The following PDE1C variants were observed in gnomAD, a reference collection of about 807,000 sequenced individuals.
PDE1C encodes dual specificity calcium/calmodulin-dependent 3',5'-cyclic nucleotide phosphodiesterase 1C.
Under a neutral mutation model 93.1 loss-of-function variants are expected in PDE1C, and 62 were observed. The observed-to-expected ratio is 0.67, with a 90% CI of 0.54 to 0.82. PDE1C has a LOEUF of 0.82. Among genes scored for constraint, PDE1C ranks in the 40% least tolerant of loss-of-function variants. The pLI is 0.00. For missense variants in PDE1C, 742 were observed against 884.6 expected (o/e 0.84, Z 2.04); for synonymous variants, 325 against 310.1 (o/e 1.05, Z -0.50).
chr7:31,970,161 A>G (rs1369164586), intron 2 of PDE1C, among the ~76,000 whole-genome samples: 1 of 152,172 alleles, frequency 6.6e-6, no homozygotes, highest in Non-Finnish European at 1.5e-5. Context: ...AATTTTTTTA[A>G]AAAAGAAAAA....
At position 32,186,556 on chromosome 7, in the gene PDE1C, G is replaced by A. The variant is rs185276922; in HGVS notation, c.137-16600C>T. Among the ~76,000 whole-genome samples the A allele has an allele frequency of 7.0e-3, 1,066 of 152,072 alleles. 6 individuals are homozygous for A. Among genetic ancestry groups the A allele is most frequent in the African/African-American group, 0.025 (1,030 of 41,488 alleles). ...CATATTCCCAGTAGTTGTTTTTAGT[G>A]GTGGTGTCGCTTAAACTTGTCTTCT... On this transcript the variant is annotated intron_variant, in intron 2 of 18. Transcript: ENST00000396193.
intron 2 of PDE1C, among the ~76,000 whole-genome samples, chr7:31,944,005 A>G (rs1264794483): frequency 1.3e-5 from 2 of 152,192 alleles, no homozygotes; most frequent in Middle Eastern, 3.2e-3. Flanking sequence ...GTCTAACTGT[A>G]GGCAAGCAGA....
At chr7:31,677,820 G>A in the PDE1C span, among the ~76,000 whole-genome samples, 1 of 152,120 alleles carries the variant, frequency 6.6e-6, no homozygotes, top group Non-Finnish European at 1.5e-5. Context: ...AGAGATACAT[G>A]AAGTGAAAAG....
At chr7:31,843,437 G>A (rs922202538) in intron 9 of PDE1C, among the ~76,000 whole-genome samples, 1 of 151,740 alleles carries the variant, frequency 6.6e-6, no homozygotes, top group Non-Finnish European at 1.5e-5. Context: ...CTTATTATCA[G>A]AAAATCTCCT....
chr7:31,968,339 T>C (rs950512373), intron 2 of PDE1C, among the ~76,000 whole-genome samples: 5 of 152,026 alleles, frequency 3.3e-5, no homozygotes, highest in African/African-American at 7.2e-5. Context: ...AGCCAAATCA[T>C]GAGTGAACTC....
At chr7:32,158,352 A>G (rs577802710) in intron 3 of PDE1C, among the ~76,000 whole-genome samples, 39 of 152,252 alleles carry the variant, frequency 2.6e-4, no homozygotes, top group Admixed American at 8.5e-4. Context: ...ACAAATAACA[A>G]TGCTCCCATA....
chr7:31,687,664 C>G, the PDE1C span, among the ~76,000 whole-genome samples: 2 of 152,214 alleles, frequency 1.3e-5, no homozygotes, highest in Non-Finnish European at 2.9e-5. Context: ...TTAAGTCAGT[C>G]TCTCCTCCAG....
At chr7:32,051,673 C>A in intron 1 of PDE1C, 93 bp from the exon 2 acceptor site, 1 of 991,272 alleles carries the variant, frequency 1.0e-6, no homozygotes, top group South Asian at 1.3e-5. Context: ...GCATGGGGGT[C>A]AACACTTCTT....
intron 14 of PDE1C, chr7:31,820,606 T>C (rs1028653283): frequency 6.6e-6 from 1 of 152,062 alleles, no homozygotes; most frequent in African/African-American, 2.4e-5. Context: ...CATGTTCAAG[T>C]GCCCCACGGA....
At chr7:32,288,898 A>C (rs1812168412) in intron 1 of PDE1C, among the ~76,000 whole-genome samples, 2 of 152,186 alleles carry the variant, frequency 1.3e-5, no homozygotes, top group African/African-American at 4.8e-5. Context: ...ATTTGTGATG[A>C]CTAGGCAAAC....
intron 9 of PDE1C, among the ~76,000 whole-genome samples, chr7:31,845,499 A>G (rs1419138552): frequency 6.6e-6 from 1 of 152,026 alleles, no homozygotes; most frequent in African/African-American, 2.4e-5. Context: ...GGACACAAGG[A>G]GGGAAACATC....
intron 3 of PDE1C, among the ~76,000 whole-genome samples, chr7:32,105,922 C>A (rs1347130128): frequency 6.6e-5 from 10 of 152,128 alleles, no homozygotes; most frequent in African/African-American, 1.9e-4. Context: ...AACTAGATAA[C>A]AGAGAAGCCC....
the PDE1C span, among the ~76,000 whole-genome samples, chr7:31,736,326 G>A: frequency 6.6e-6 from 1 of 152,156 alleles, no homozygotes; most frequent in Non-Finnish European, 1.5e-5. Context: ...TTTTCCAAGG[G>A]CAGCCCGAAT....
intron 17 of PDE1C, among the ~76,000 whole-genome samples, chr7:31,762,332 C>CTT (rs1475800778): frequency 6.6e-6 from 1 of 152,038 alleles, no homozygotes; most frequent in African/African-American, 2.4e-5. Flanking sequence ...AATGATTAAG[C>CTT]CCATTATCTA....
chr7:32,030,953 C>T (rs558015323), intron 2 of PDE1C, among the ~76,000 whole-genome samples: 1 of 152,110 alleles, frequency 6.6e-6, no homozygotes, highest in South Asian at 2.1e-4. Flanking sequence ...AGGCATATCC[C>T]ATAGAGCCTT....
At chr7:31,961,339 A>T (rs1325381007) in intron 2 of PDE1C, among the ~76,000 whole-genome samples, 1 of 152,074 alleles carries the variant, frequency 6.6e-6, no homozygotes, top group Non-Finnish European at 1.5e-5. Context: ...TACAAGATTG[A>T]GTTCAGAGTA....
the PDE1C span, among the ~76,000 whole-genome samples, chr7:31,694,580 G>A: frequency 6.6e-6 from 1 of 152,110 alleles, no homozygotes; most frequent in East Asian, 1.9e-4. Flanking sequence ...GCAGGGAGAG[G>A]CAACTAAGAA....
chr7:31,691,807 A>C, the PDE1C span, among the ~76,000 whole-genome samples: 1 of 150,792 alleles, frequency 6.6e-6, no homozygotes, highest in African/African-American at 2.4e-5. Flanking sequence ...TAAAAAAAAA[A>C]AAAAAAAAAA....
intron 1 of PDE1C, among the ~76,000 whole-genome samples, chr7:32,270,030 C>T (rs1585056311): frequency 6.6e-6 from 1 of 152,174 alleles, no homozygotes; most frequent in Admixed American, 6.5e-5. Flanking sequence ...CCTACCTTGG[C>T]CTCCCAAAAT....
Sources: gnomAD v4.1 joint callset for allele counts (sites outside exome capture counted in the v4.1 genomes callset) on GRCh38, gnomAD v4.1.1 for gene constraint, MANE v1.5 for transcripts, NCBI Gene and HGNC (gene_info 2026-07-23, HGNC 2026-07-21) for gene names.